MPRIP: variants seen among roughly 807,000 people sequenced by gnomAD.
MPRIP encodes the protein myosin phosphatase Rho-interacting protein.
Under a neutral mutation model 234.9 loss-of-function variants are expected in MPRIP, and 59 were observed. That is an observed-to-expected ratio of 0.25 (90% CI 0.20 to 0.31). MPRIP has a LOEUF of 0.31. MPRIP is among the 10% of genes least tolerant of loss of function. The pLI is 1.00. For missense variants in MPRIP, 2,436 were observed against 3,071.0 expected (o/e 0.79, Z 4.89); for synonymous variants, 1,144 against 1,263.9 (o/e 0.91, Z 2.01).
chr17:17,175,094 G>A (rs1478713363), intron 19 of MPRIP, among the ~76,000 whole-genome samples, 199 bp from the exon 20 acceptor site: 1 of 152,340 alleles, frequency 6.6e-6, no homozygotes, highest in South Asian at 2.1e-4. Context: ...TTACCCCACA[G>A]GAGCTCAGAT....
In MPRIP at chr17:17,137,939, C is replaced by G; in HGVS notation, c.760C>G (p.Arg254Gly). Reference protein sequence around the residue: ...KEEESAMSSDRMDCGRKVRVE... With the variant: ...KEEESAMSSDGMDCGRKVRVE... ...AGAGGAGAGCGCCATGAGTAGCGACCGCATGGACTGTGGCCGCAAAGTCCG... is the reference window on the plus strand; with the variant it reads ...AGAGGAGAGCGCCATGAGTAGCGACGGCATGGACTGTGGCCGCAAAGTCCG... The change falls in exon 7 of 24, where the codon CGC becomes GGC. Residue 254 changes from arginine to glycine, a missense_variant. By Grantham distance (125) the Arg-to-Gly change is moderately radical. Around this residue, in one of 4 missense-constraint regions of MPRIP, gnomAD observed 267 missense variants for 252.7 expected, o/e 1.06. Coordinates refer to ENST00000651222, the MANE Select transcript of MPRIP (RefSeq NM_001364716.4). 6.2e-7 allele frequency: 1 copy of G among 1,611,004 alleles called. No individual in the cohort carries two copies. The highest frequency in any genetic ancestry group is 8.5e-7 in the Non-Finnish European group (1 of 1,178,622).
chr17:17,150,155 G>A lies in MPRIP; in HGVS notation c.1641G>A (p.Leu547=). ...ACTTCCCTCGGCAGGCAGCCGACTT[G>A]GATGGAGAAATTGACTTGTCCGCAT... ...RDSVAEEAAD[L]DGEIDLSACY... is the part of the protein sequence containing the mutation. Residue 547 remains leucine, a synonymous_variant, in exon 12 of 24, where the codon TTG becomes TTA. Transcript: ENST00000651222. 1 of 1,613,628 alleles carries A rather than the reference G, an allele frequency of 6.2e-7. No individual in the cohort carries two copies. The highest frequency in any genetic ancestry group is 8.5e-7 in the Non-Finnish European group (1 of 1,179,804).
At chr17:17,169,096 A>G (rs928590186) in intron 16 of MPRIP, 3 of 430,164 alleles carry the variant, frequency 7.0e-6, no homozygotes, top group East Asian at 1.4e-4. Context: ...TTCTTTCCCC[A>G]AATCAGTCAA....
chr17:17,101,665 A>G (rs1482529816), intron 3 of MPRIP, among the ~76,000 whole-genome samples: 1 of 152,274 alleles, frequency 6.6e-6, no homozygotes, highest in African/African-American at 2.4e-5. Flanking sequence ...TAGTGTAGAC[A>G]GCAGTGAGGA....
Position 17,175,560 on chromosome 17 carries a change from G to T in MPRIP, c.6870+148G>T, listed in dbSNP as rs964955789. 122 of 1,149,004 alleles carry T rather than the reference G, an allele frequency of 1.1e-4. 3 individuals are homozygous for T. The South Asian group carries it at 2.1e-3, about 20-fold the overall frequency. 71.2% of individuals were successfully genotyped at this position (1,149,004 alleles called of 1,614,324 possible). A position where few individuals can be genotyped will look rare whatever the true frequency, so the allele number is the denominator to read the frequency against. On this transcript the variant is annotated intron_variant, in intron 20 of 23. Coordinates refer to ENST00000651222, the MANE Select transcript of MPRIP (RefSeq NM_001364716.4). ...GGGTCCAGGAAGATCCAAATCACCCGAAGGCGGCGAGGAGCAGTGAGCTGC... is the reference window on the plus strand; with the variant it reads ...GGGTCCAGGAAGATCCAAATCACCCTAAGGCGGCGAGGAGCAGTGAGCTGC...
intron 11 of MPRIP, 97 bp downstream of exon 11, chr17:17,147,484 C>T: frequency 8.5e-7 from 1 of 1,179,066 alleles, no homozygotes; most frequent in Non-Finnish European, 1.3e-6. Context: ...GCTAATGTCC[C>T]CACTTCTGAG....
At chr17:17,137,579 G>A (rs996322101) in intron 6 of MPRIP, among the ~76,000 whole-genome samples, 2 of 151,790 alleles carry the variant, frequency 1.3e-5, no homozygotes, top group African/African-American at 4.8e-5. Context: ...TTGGTGAGAA[G>A]CGGTTGGTGG....
rs1158918739 is a variant in MPRIP at position 17,042,463 on chromosome 17, C to T, written c.-386C>T. On this transcript the variant is annotated 5_prime_UTR_variant, in exon 1 of 24. Coordinates refer to ENST00000651222, the MANE Select transcript of MPRIP (RefSeq NM_001364716.4). ...CGCCCGCCCGCCCGCCCCCGTAGTG[C>T]GTGAGGCGCTCCGGTCCCATTTGCA... The T allele has an allele frequency of 1.4e-5, 2 of 145,918 alleles. No individual in the cohort carries two copies. The highest frequency in any genetic ancestry group is 2.5e-5 in the African/African-American group (1 of 40,478). The allele number at this position is 145,918 out of a possible 1,614,324, so 9.0% of individuals were successfully genotyped here.
intron 23 of MPRIP, among the ~76,000 whole-genome samples, chr17:17,184,121 G>A (rs140402598): frequency 2.0e-5 from 3 of 152,246 alleles, no homozygotes; most frequent in Non-Finnish European, 2.9e-5. Flanking sequence ...GTAAGAATGA[G>A]ATGGGAAATA....
chr17:17,083,686 G>C (rs1305172570), intron 3 of MPRIP, among the ~76,000 whole-genome samples: 1 of 152,152 alleles, frequency 6.6e-6, no homozygotes, highest in Non-Finnish European at 1.5e-5. Flanking sequence ...GCAGGGCGAG[G>C]CTGGGAAACC....
Position 17,078,151 on chromosome 17 carries a change from A to C in MPRIP, c.267+75A>C. The C allele has an allele frequency of 6.8e-7, 1 of 1,466,376 alleles. No homozygotes were observed. The allele number at this position is 1,466,376 out of a possible 1,614,324, so 90.8% of individuals were successfully genotyped here. On this transcript the variant is annotated intron_variant, in intron 3 of 23. Transcript: ENST00000651222. This position sits in a 1 kb window ranked among gnomAD's most constrained non-coding sequence, Gnocchi z 4.3. ...TCCATTACAGTGCCCTTGCGTTGTC[A>C]TGTGAGAGCACAGCAGCCATGTGCT...
At chr17:17,139,665 G>A (rs1388201915) in intron 7 of MPRIP, among the ~76,000 whole-genome samples, 1 of 152,190 alleles carries the variant, frequency 6.6e-6, no homozygotes, top group Non-Finnish European at 1.5e-5. Flanking sequence ...TTTCTTCTGA[G>A]CACCCACCAT....
chr17:17,179,969 T>C, intron 22 of MPRIP, 34 bp from the exon 23 acceptor site: 1 of 1,536,920 alleles, frequency 6.5e-7, no homozygotes, highest in Non-Finnish European at 8.9e-7. Flanking sequence ...AAAGCAAAGG[T>C]AACAGGTCTG....
rs763488272 is a variant in MPRIP at position 17,158,856 on chromosome 17, G to T, written c.2254G>T (p.Val752Leu). Residue 752 changes from valine (V) to leucine (L), a missense_variant, in exon 14 of 24, where the codon GTG becomes TTG. Coordinates refer to ENST00000651222, the MANE Select transcript of MPRIP (RefSeq NM_001364716.4). Reference sequence around the variant, plus strand: ...CGACCTCAAAACGCATAACGTCCACGTGGAGATTGAGCAGCGGTGGCATCA... The same window carrying T: ...CGACCTCAAAACGCATAACGTCCACTTGGAGATTGAGCAGCGGTGGCATCA... ...MSDLKTHNVH[V>L]EIEQRWHQVE... 2 of 1,611,914 alleles carry T rather than the reference G, an allele frequency of 1.2e-6. No homozygotes were observed. Among genetic ancestry groups the T allele is most frequent in the Non-Finnish European group, 1.7e-6 (2 of 1,180,018 alleles).
At chr17:17,073,647 A>G (rs977632489) in intron 1 of MPRIP, among the ~76,000 whole-genome samples, 6 of 151,992 alleles carry the variant, frequency 3.9e-5, no homozygotes, top group African/African-American at 9.7e-5. Context: ...AGATACACAC[A>G]GGGAGTTGTC....
intron 13 of MPRIP, among the ~76,000 whole-genome samples, chr17:17,156,434 C>T (rs2045731665): frequency 6.6e-6 from 1 of 152,232 alleles, no homozygotes; most frequent in South Asian, 2.1e-4. Context: ...ATTTATTCTT[C>T]CTCTGTGTAG....
chr17:17,093,741 C>T (rs1331853728), intron 3 of MPRIP, among the ~76,000 whole-genome samples: 1 of 152,192 alleles, frequency 6.6e-6, no homozygotes, highest in Non-Finnish European at 1.5e-5. Flanking sequence ...GAGTCCTGTT[C>T]CCAGAGGAAG....
chr17:17,062,040 G>C (rs1279668620), intron 1 of MPRIP, among the ~76,000 whole-genome samples: 1 of 151,954 alleles, frequency 6.6e-6, no homozygotes, highest in Non-Finnish European at 1.5e-5. Context: ...TTATGAAACT[G>C]AGAATCACAG....
chr17:17,172,640 C>A, intron 17 of MPRIP, 58 bp from the exon 18 acceptor site: 1 of 1,405,908 alleles, frequency 7.1e-7, no homozygotes, highest in South Asian at 1.2e-5. Context: ...CCCACCCCCA[C>A]CCCTGTCAGC....
Sources: gnomAD v4.1 joint callset for allele counts (sites outside exome capture counted in the v4.1 genomes callset) on GRCh38, gnomAD v4.1.1 for gene constraint, gnomAD v4.1.1 regional missense constraint, Gnocchi (gnomAD v3.1) non-coding constraint, MANE v1.5 for transcripts, NCBI Gene and HGNC (gene_info 2026-07-23, HGNC 2026-07-21) for gene names.